The following PDE4DIP variants were observed in gnomAD, a reference collection of about 807,000 sequenced individuals.
PDE4DIP encodes phosphodiesterase 4D interacting protein.
PDE4DIP carries 59 observed loss-of-function variants against 221.4 expected under a neutral mutation model. That is an observed-to-expected ratio of 0.27 (90% CI 0.22 to 0.33). PDE4DIP has a LOEUF of 0.33. Among genes scored for constraint, PDE4DIP ranks in the 10% least tolerant of loss-of-function variants. PDE4DIP has a pLI of 1.00. For synonymous variants in PDE4DIP, 404 were observed against 815.9 expected (o/e 0.50, Z 8.60); for missense variants, 1,036 against 2,154.2 (o/e 0.48, Z 10.28).
Position 149,010,678 on chromosome 1 carries a change from G to T in PDE4DIP, c.5080+83G>T, listed in dbSNP as rs1610833. On this transcript the variant is annotated intron_variant, in intron 31 of 43. Transcript: ENST00000369354. ...ATTTTTCTTCAACGACAGAGGTTTG[G>T]ACTGTTAGGGGCCTAAATGCATCAA... is the stretch of plus-strand genomic sequence containing the variant. 1.6e-5 allele frequency: 22 copies of T among 1,344,336 alleles called. No individual in the cohort carries two copies. In the African/African-American group the frequency reaches 3.0e-4, roughly 19 times the overall value. The allele number at this position is 1,344,336 out of a possible 1,614,324, so 83.3% of individuals were successfully genotyped here. A position where few individuals can be genotyped will look rare whatever the true frequency, so the allele number is the denominator to read the frequency against.
chr1:149,016,309 T>C, exon 33 of PDE4DIP: 1 of 1,613,818 alleles, frequency 6.2e-7, no homozygotes, highest in Admixed American at 1.7e-5. Context: ...GTGCCAGCAC[T>C]GTTCCTCCTG....
exon 44 of PDE4DIP, chr1:149,032,405 A>T (rs1464023871): frequency 4.4e-6 from 2 of 456,594 alleles, no homozygotes; most frequent in South Asian, 2.3e-5. Context: ...CGTGGTCCCA[A>T]TGCTGGAGCT....
intron 27 of PDE4DIP, among the ~76,000 whole-genome samples, chr1:149,005,982 G>T (rs1252253084): frequency 6.6e-6 from 1 of 152,034 alleles, no homozygotes; most frequent in South Asian, 2.1e-4. Context: ...AAAATACAAA[G>T]ATTAGCTGGG....
At chr1:148,936,586 G>T (rs1257500419) in intron 4 of PDE4DIP, among the ~76,000 whole-genome samples, 19 of 152,070 alleles carry the variant, frequency 1.2e-4, no homozygotes, top group African/African-American at 4.6e-4. Context: ...ACATGCTGTG[G>T]GTGATTTAGC....
chr1:149,005,580 A>G, intron 27 of PDE4DIP, 143 bp downstream of exon 30: 1 of 708,168 alleles, frequency 1.4e-6, no homozygotes, highest in Non-Finnish European at 2.4e-6. Flanking sequence ...ACAGGTCTGC[A>G]GAAAAGACAG....
intron 21 of PDE4DIP, among the ~76,000 whole-genome samples, chr1:148,989,979 T>C (rs2062689991): frequency 6.6e-6 from 1 of 152,204 alleles, no homozygotes; most frequent in East Asian, 1.9e-4. Context: ...AAATAACTCT[T>C]GTACACTGTC....
chr1:148,823,346 AAGCATC>A (rs1669787892), intron 1 of PDE4DIP, among the ~76,000 whole-genome samples: 1 of 132,818 alleles, frequency 7.5e-6, no homozygotes, highest in Non-Finnish European at 1.6e-5. Flanking sequence ...TCTATCAAAA[AAGCATC>A]AGAAAGCTCC....
chr1:149,029,356 C>A (rs587683284), intron 41 of PDE4DIP, among the ~76,000 whole-genome samples: 1 of 152,166 alleles, frequency 6.6e-6, no homozygotes, highest in African/African-American at 2.4e-5. Flanking sequence ...GGTGTTTTGC[C>A]ATCTTCATGT....
At chr1:148,917,399 T>TTTTTA (rs587624383) in intron 1 of PDE4DIP, among the ~76,000 whole-genome samples, 1 of 146,092 alleles carries the variant, frequency 6.8e-6, no homozygotes, top group Non-Finnish European at 1.5e-5. Context: ...TGGATTTTGT[T>TTTTTA]TTTTATTTTA....
chr1:148,931,748 A>G (rs1448285900), intron 2 of PDE4DIP, 52 bp from the exon 6 acceptor site: 2 of 1,349,500 alleles, frequency 1.5e-6, no homozygotes, highest in South Asian at 1.2e-5. Flanking sequence ...TAATGGTTCC[A>G]CTTGCTAAAC....
chr1:148,865,152 C>G (rs1406086930), intron 2 of PDE4DIP, among the ~76,000 whole-genome samples: 2 of 139,240 alleles, frequency 1.4e-5, no homozygotes, highest in African/African-American at 5.7e-5. Context: ...GCAGTGGTGC[C>G]GTCTCGGCTC....
chr1:148,923,463 G>T (rs1553463352), intron 1 of PDE4DIP, among the ~76,000 whole-genome samples: 1 of 146,424 alleles, frequency 6.8e-6, no homozygotes, highest in Admixed American at 6.8e-5. Flanking sequence ...CACAGCTGCC[G>T]GTTATTTGTT....
chr1:148,953,744 G>A (rs782802910), intron 5 of PDE4DIP: 2 of 1,459,906 alleles, frequency 1.4e-6, no homozygotes, highest in Non-Finnish European at 1.9e-6. Flanking sequence ...CCTACCTGGA[G>A]CCAAGCCTGG....
chr1:149,010,579 C>T (rs2068304900), exon 31 of PDE4DIP: 2 of 1,614,084 alleles, frequency 1.2e-6, no homozygotes, highest in Admixed American at 3.3e-5. Context: ...CCAAGGAGGC[C>T]AACCAGGCCC....
At chr1:149,032,889 A>T (rs3736) in exon 44 of PDE4DIP, 40,536 of 206,496 alleles carry the variant, frequency 0.2, 4,152 homozygotes, top group Admixed American at 0.25. Context: ...ATAGATTTAT[A>T]TATGTTGCTA....
chr1:148,981,506 C>T (rs1392631194), intron 21 of PDE4DIP, 109 bp downstream of exon 24: 2 of 1,362,406 alleles, frequency 1.5e-6, no homozygotes, highest in Non-Finnish European at 2.1e-6. Flanking sequence ...CCAGAAAGAT[C>T]CTTGTCTGAT....
intron 33 of PDE4DIP, among the ~76,000 whole-genome samples, chr1:149,016,991 T>G (rs2070825977): frequency 6.6e-6 from 1 of 152,200 alleles, no homozygotes; most frequent in Non-Finnish European, 1.5e-5. Context: ...GAGGTATAGC[T>G]AAGCTCATAA....
intron 9 of PDE4DIP, among the ~76,000 whole-genome samples, chr1:148,964,254 A>C (rs1211967528): frequency 2.6e-5 from 4 of 151,566 alleles, no homozygotes; most frequent in Admixed American, 6.6e-5. Context: ...GATTACAGGC[A>C]TGCGCCACCA....
chr1:148,988,099 C>T (rs1275068682), intron 21 of PDE4DIP, among the ~76,000 whole-genome samples: 1 of 152,150 alleles, frequency 6.6e-6, no homozygotes, highest in African/African-American at 2.4e-5. Context: ...AGTGTCATTT[C>T]AAGCCTCCTG....
Sources: allele counts gnomAD v4.1 joint callset (sites outside exome capture counted in the v4.1 genomes callset), GRCh38; gene constraint gnomAD v4.1.1; transcripts MANE v1.5; gene names NCBI Gene and HGNC (gene_info 2026-07-23, HGNC 2026-07-21).